Variants in GPHN observed in about 807,000 individuals in gnomAD.
GPHN encodes gephyrin.
GPHN carries 17 observed loss-of-function variants against 95.5 expected under a neutral mutation model. The observed-to-expected ratio is 0.18, with a 90% CI of 0.12 to 0.27. The LOEUF is 0.27. GPHN is among the 10% of genes least tolerant of loss of function. The pLI, the probability that GPHN is intolerant of heterozygous loss-of-function variation, is 1.00. For synonymous variants in GPHN, 320 were observed against 322.5 expected, an observed-to-expected ratio of 0.99 and a Z score of 0.08; for missense variants, 660 against 978.1, an observed-to-expected ratio of 0.67 and a Z score of 4.34.
intron 9 of GPHN, among the ~76,000 whole-genome samples, chr14:66,972,216 C>T (rs1474537275): frequency 1.4e-5 from 2 of 141,290 alleles, no homozygotes; most frequent in Non-Finnish European, 3.0e-5. Context: ...TGCAGTGAGC[C>T]GAGATTGCAC....
the GPHN span, among the ~76,000 whole-genome samples, chr14:67,242,388 C>A: frequency 6.6e-6 from 1 of 152,096 alleles, no homozygotes; most frequent in Non-Finnish European, 1.5e-5. Context: ...GTCAGTTGAA[C>A]AAAAATTTTG....
At chr14:67,176,754 G>T (rs569518210) in intron 21 of GPHN, among the ~76,000 whole-genome samples, 1 of 152,264 alleles carries the variant, frequency 6.6e-6, no homozygotes, top group Non-Finnish European at 1.5e-5. Flanking sequence ...CAATTTCAAA[G>T]TCTGTTACTG....
chr14:67,619,901 G>C, the GPHN span: 1 of 1,004,514 alleles, frequency 1.0e-6, no homozygotes, highest in African/African-American at 1.7e-5. Context: ...GGTAAGAGCA[G>C]CGGCGGGCGG....
chr14:67,526,589 T>C, the GPHN span, among the ~76,000 whole-genome samples: 3 of 152,174 alleles, frequency 2.0e-5, no homozygotes, highest in Non-Finnish European at 4.4e-5. Flanking sequence ...AAAATATGCA[T>C]AGTTTAAAGT....
the GPHN span, among the ~76,000 whole-genome samples, chr14:67,370,608 CA>C: frequency 6.6e-6 from 1 of 152,152 alleles, no homozygotes; most frequent in African/African-American, 2.4e-5. Flanking sequence ...CTCAACAAAT[CA>C]GGTGAAATTA....
chr14:67,635,471 C>G, the GPHN span, among the ~76,000 whole-genome samples: 1 of 152,326 alleles, frequency 6.6e-6, no homozygotes, highest in East Asian at 1.9e-4. Context: ...CCAGTTTAGA[C>G]TTCTAGTAAC....
chr14:67,076,617 C>T (rs540756659), intron 11 of GPHN, among the ~76,000 whole-genome samples: 9 of 152,132 alleles, frequency 5.9e-5, no homozygotes, highest in East Asian at 3.9e-4. Context: ...TTTTGGTAAG[C>T]GCAGTGAATA....
At chr14:66,885,133 G>C (rs993591551) in intron 5 of GPHN, among the ~76,000 whole-genome samples, 13 of 151,916 alleles carry the variant, frequency 8.6e-5, no homozygotes, top group Non-Finnish European at 1.5e-5. Flanking sequence ...AGTAACATGA[G>C]TCATTTAAAG....
intron 4 of GPHN, chr14:66,842,819 ATC>A: frequency 1.2e-6 from 1 of 805,530 alleles, no homozygotes. Flanking sequence ...CATTTTTCAC[ATC>A]TGTTTAATTT....
At chr14:66,615,659 T>C (rs906573823) in intron 1 of GPHN, among the ~76,000 whole-genome samples, 1 of 150,434 alleles carries the variant, frequency 6.6e-6, no homozygotes, top group Non-Finnish European at 1.5e-5. Flanking sequence ...TCTCCCATTC[T>C]GTAGGTTGCC....
At chr14:67,325,014 C>T in the GPHN span, among the ~76,000 whole-genome samples, 6 of 147,608 alleles carry the variant, frequency 4.1e-5, no homozygotes, top group Non-Finnish European at 4.4e-5. Flanking sequence ...ACGCCATTCT[C>T]CTGCCTCAGC....
intron 1 of GPHN, among the ~76,000 whole-genome samples, chr14:66,560,920 T>A (rs923443893): frequency 3.9e-5 from 6 of 152,106 alleles, no homozygotes; most frequent in Admixed American, 2.6e-4. Context: ...CATCCCATCA[T>A]TACCTAATTT....
At chr14:66,906,336 A>G (rs2065379133) in intron 5 of GPHN, among the ~76,000 whole-genome samples, 1 of 152,072 alleles carries the variant, frequency 6.6e-6, no homozygotes, top group African/African-American at 2.4e-5. Context: ...GACACTTGTG[A>G]TGCTTCCCAT....
At chr14:67,626,267 A>C in the GPHN span, among the ~76,000 whole-genome samples, 5 of 152,034 alleles carry the variant, frequency 3.3e-5, no homozygotes, top group Non-Finnish European at 5.9e-5. Context: ...GGAAAAAAAA[A>C]ACCACAAAAC....
chr14:67,536,986 G>A, the GPHN span, among the ~76,000 whole-genome samples: 1 of 151,296 alleles, frequency 6.6e-6, no homozygotes, highest in Non-Finnish European at 1.5e-5. Context: ...GTTGCAGTGA[G>A]CCGAGATTGC....
chr14:67,694,246 G>A, the GPHN span, among the ~76,000 whole-genome samples: 1 of 152,038 alleles, frequency 6.6e-6, no homozygotes, highest in Admixed American at 6.6e-5. Flanking sequence ...TCCCTCCTCA[G>A]AAAACAAGCC....
intron 4 of GPHN, among the ~76,000 whole-genome samples, chr14:66,856,046 G>C (rs2062789765): frequency 6.6e-6 from 1 of 151,986 alleles, no homozygotes; most frequent in African/African-American, 2.4e-5. Flanking sequence ...CACTAGTATT[G>C]ATGAAGAGAT....
chr14:67,697,161 G>T, the GPHN span, among the ~76,000 whole-genome samples: 2 of 152,172 alleles, frequency 1.3e-5, no homozygotes, highest in Non-Finnish European at 2.9e-5. Context: ...CATAATCTCT[G>T]CTCGCCCGGA....
chr14:67,562,283 C>T, the GPHN span: 2 of 1,613,804 alleles, frequency 1.2e-6, no homozygotes, highest in Middle Eastern at 3.3e-4. Flanking sequence ...TGTGCTTGCA[C>T]CTTCCCCAGG....
Sources: gnomAD v4.1 joint callset for allele counts (sites outside exome capture counted in the v4.1 genomes callset) on GRCh38, gnomAD v4.1.1 for gene constraint, MANE v1.5 for transcripts, NCBI Gene and HGNC (gene_info 2026-07-23, HGNC 2026-07-21) for gene names.